The following SEC14L3 variants were observed in gnomAD, a reference collection of about 807,000 sequenced individuals.
SEC14L3 encodes the protein SEC14 like lipid binding 3, also known as SEC14-like protein 3.
SEC14L3 carries 56 observed loss-of-function variants against 57.4 expected under a neutral mutation model. That is an observed-to-expected ratio of 0.97 (90% CI 0.79 to 1.22). The LOEUF is 1.22. Among genes scored for constraint, SEC14L3 ranks in the 50% most tolerant of loss-of-function variants. SEC14L3 has a pLI of 0.00. For synonymous variants in SEC14L3, 173 were observed against 194.4 expected (o/e 0.89, Z 0.92); for missense variants, 485 against 511.7 (o/e 0.95, Z 0.50).
In SEC14L3 at chr22:30,459,952, G is replaced by T; in HGVS notation, c.*69C>A. On this transcript the variant is annotated 3_prime_UTR_variant, in exon 12 of 12. Coordinates refer to ENST00000215812, the MANE Select transcript of SEC14L3 (RefSeq NM_174975.5). Reference sequence around the variant, plus strand: ...GAGGACTAACAATCAATTTCAGGGAGGGAGGGAGTGTAGGATATAAACAGA... The same window carrying T: ...GAGGACTAACAATCAATTTCAGGGATGGAGGGAGTGTAGGATATAAACAGA... The T allele has an allele frequency of 2.5e-6, 4 of 1,570,094 alleles. No homozygotes were observed. The highest frequency in any genetic ancestry group is 2.3e-5 in the South Asian group (2 of 85,714).
At chr22:30,448,882 GC>G in exon 13 of SEC14L3, 1 of 556,414 alleles carries the variant, frequency 1.8e-6, no homozygotes. Flanking sequence ...ACAAAGCAAA[GC>G]CCTGTCTCTA....
chr22:30,449,689 C>T (rs538234312), intron 12 of SEC14L3, among the ~76,000 whole-genome samples: 9 of 152,072 alleles, frequency 5.9e-5, no homozygotes, highest in Admixed American at 5.2e-4. Flanking sequence ...CTCAACCTCC[C>T]GAGTAGCTGG....
At chr22:30,449,391 A>G in intron 12 of SEC14L3, 1 of 1,218,014 alleles carries the variant, frequency 8.2e-7, no homozygotes, top group South Asian at 1.6e-5. Context: ...ATAGAATGAC[A>G]TTATACAATA....
intron 9 of SEC14L3, 141 bp downstream of exon 9, chr22:30,461,945 T>C: frequency 9.5e-7 from 1 of 1,053,168 alleles, no homozygotes; most frequent in Non-Finnish European, 1.4e-6. Context: ...GAGAGCTCTG[T>C]AAGGGCGAGG....
At chr22:30,456,312 A>C (rs1286319165), downstream of SEC14L3, among the ~76,000 whole-genome samples, 19 of 151,558 alleles carry the variant, frequency 1.3e-4, no homozygotes, top group Non-Finnish European at 2.2e-4. Flanking sequence ...AAAAAAAAAA[A>C]AAAAAACAAA....
intron 6 of SEC14L3, 36 bp from the exon 7 acceptor site, chr22:30,466,430 T>A (rs773763074): frequency 6.2e-7 from 1 of 1,613,850 alleles, no homozygotes; most frequent in Non-Finnish European, 8.5e-7. Flanking sequence ...AGAGAGCACA[T>A]CACATCTTCT....
chr22:30,468,166 C>T (rs1481395049), intron 5 of SEC14L3, among the ~76,000 whole-genome samples: 2 of 152,038 alleles, frequency 1.3e-5, no homozygotes, highest in African/African-American at 2.4e-5. Flanking sequence ...GTAATCCCAG[C>T]TACTCAGGAG....
intron 12 of SEC14L3, chr22:30,449,278 C>G (rs1934934718): frequency 6.5e-7 from 1 of 1,546,414 alleles, no homozygotes; most frequent in Non-Finnish European, 8.7e-7. Context: ...GAAAACAAAA[C>G]AAACAAAAAG....
chr22:30,452,616 T>C (rs1450391826), intron 12 of SEC14L3, among the ~76,000 whole-genome samples: 1 of 152,130 alleles, frequency 6.6e-6, no homozygotes, highest in African/African-American at 2.4e-5. Flanking sequence ...AAATACTGCC[T>C]TGAAGCCAGC....
In SEC14L3 at chr22:30,468,293, A is replaced by AAG. The variant is rs544745401; in HGVS notation, c.423+214_423+215insCT. The stretch of plus-strand genomic sequence containing the variant: ...GACTCTGTCTCAAGCAAAAAAAAAA[A>AAG]GAGGGTTCTATTCCCAGCAAAAGTA... On this transcript the variant is annotated intron_variant, in intron 5 of 11. Transcript: ENST00000215812. Among the ~76,000 whole-genome samples the AAG allele has an allele frequency of 7.4e-3, 1,106 of 149,496 alleles. 13 individuals carry two copies. The highest frequency in any genetic ancestry group is 0.02 in the East Asian group (102 of 5,088).
chr22:30,468,912 G>T, intron 4 of SEC14L3: 2 of 1,498,740 alleles, frequency 1.3e-6, no homozygotes, highest in Non-Finnish European at 8.9e-7. Context: ...GTCTCAGCAG[G>T]CCCTTGGACT....
chr22:30,461,612 T>C lies in SEC14L3; in HGVS notation c.854A>G (p.Asn285Ser). Reference sequence around the variant, plus strand: ...TTCCACTTGGTGTGATGAGCCGCGGTTGATCTGCACCGAGTGCTCGTACTG... The same window carrying C: ...TTCCACTTGGTGTGATGAGCCGCGGCTGATCTGCACCGAGTGCTCGTACTG... The part of the protein sequence containing the change: ...KTQYEHSVQI[N>S]RGSSHQVEYE... Residue 285 changes from asparagine to serine, a missense_variant, in exon 10 of 12, where the codon AAC (asparagine) becomes AGC (serine). Coordinates refer to ENST00000215812, the MANE Select transcript of SEC14L3 (RefSeq NM_174975.5). 1 of 1,614,114 alleles carries C rather than the reference T, an allele frequency of 6.2e-7. No individual in the cohort carries two copies. Among genetic ancestry groups the C allele is most frequent in the Non-Finnish European group, 8.5e-7 (1 of 1,180,000 alleles).
chr22:30,455,102 AT>A, downstream of SEC14L3, among the ~76,000 whole-genome samples: 1 of 44,652 alleles, frequency 2.2e-5, no homozygotes, highest in African/African-American at 1.2e-4. Flanking sequence ...TATATAATAT[AT>A]TTAATATTTA....
At chr22:30,453,966 C>A (rs377602711) in intron 12 of SEC14L3, among the ~76,000 whole-genome samples, 22 of 152,262 alleles carry the variant, frequency 1.4e-4, no homozygotes, top group East Asian at 1.9e-4. Flanking sequence ...TCTCCTCCCC[C>A]CAACTGCTGT....
intron 7 of SEC14L3, 131 bp downstream of exon 7, chr22:30,466,203 T>C: frequency 1.3e-6 from 1 of 758,178 alleles, no homozygotes; most frequent in Non-Finnish European, 2.3e-6. Context: ...TGCCAGGCAT[T>C]CTAAGTGATT....
chr22:30,460,244 G>T (rs1935211088), intron 11 of SEC14L3, 102 bp from the exon 12 acceptor site: 2 of 1,521,754 alleles, frequency 1.3e-6, no homozygotes, highest in East Asian at 4.6e-5. Flanking sequence ...CACTGGCTTT[G>T]TTTGCCAAGC....
intron 8 of SEC14L3, 97 bp from the exon 9 acceptor site, chr22:30,462,289 T>C: frequency 1.4e-6 from 2 of 1,471,264 alleles, no homozygotes; most frequent in Non-Finnish European, 1.8e-6. Context: ...GGAGAAGCCC[T>C]ATAGGAGGTA....
chr22:30,459,298 C>A lies in SEC14L3; in HGVS notation c.*723G>T, dbSNP rs1314584695. On this transcript the variant is annotated 3_prime_UTR_variant, in exon 12 of 12. Transcript: ENST00000215812. ...TTTGCTTCCAGGAAAGTCCCTAAAA[C>A]ATAAGCTATGTGCAACAAGGGAAGT... is the stretch of plus-strand genomic sequence containing the variant. 1.0e-6 allele frequency: 1 copy of A among 985,292 alleles called. No individual in the cohort carries two copies. Among genetic ancestry groups the A allele is most frequent in the Non-Finnish European group, 1.2e-6 (1 of 829,926 alleles). The allele number at this position is 985,292 out of a possible 1,614,324, so 61.0% of individuals were successfully genotyped here. A position where few individuals can be genotyped will look rare whatever the true frequency, so the allele number is the denominator to read the frequency against.
chr22:30,466,933 A>C (rs759763063), intron 6 of SEC14L3, 49 bp downstream of exon 6: 2 of 1,562,206 alleles, frequency 1.3e-6, no homozygotes, highest in East Asian at 4.5e-5. Flanking sequence ...ATGGCAGGCC[A>C]AGCTGGTCAT....
Sources: gnomAD v4.1 joint callset for allele counts (sites outside exome capture counted in the v4.1 genomes callset) on GRCh38, gnomAD v4.1.1 for gene constraint, MANE v1.5 for transcripts, NCBI Gene and HGNC (gene_info 2026-07-23, HGNC 2026-07-21) for gene names.